Variants in HIBCH observed in about 807,000 individuals in gnomAD.
HIBCH encodes 3-hydroxyisobutyryl-CoA hydrolase, mitochondrial.
HIBCH carries 50 observed loss-of-function variants against 58.2 expected under a neutral mutation model. The ratio of observed to expected loss-of-function variants is 0.86; its 90% CI spans 0.68 to 1.09. HIBCH has a LOEUF of 1.09. Ranked by LOEUF, HIBCH falls within the 50% of genes least tolerant of loss-of-function variation. The probability of loss-of-function intolerance (pLI) is 0.00; values close to 1 mark genes in which losing one functional copy is unlikely to be tolerated. For missense variants in HIBCH, 450 were observed against 449.7 expected, an observed-to-expected ratio of 1.00 and a Z score of -0.01; for synonymous variants, 151 against 146.9, an observed-to-expected ratio of 1.03 and a Z score of -0.20.
intron 7 of HIBCH, among the ~76,000 whole-genome samples, chr2:190,259,750 C>T (rs775155219): frequency 2.5e-4 from 38 of 152,094 alleles, no homozygotes; most frequent in Admixed American, 1.5e-3. Flanking sequence ...TTTACTGGAG[C>T]TGTTGGAGTT....
downstream of HIBCH, chr2:190,200,065 A>ATCTTGTGTGATGC (rs781357682): frequency 2.5e-6 from 4 of 1,614,104 alleles, no homozygotes; most frequent in South Asian, 4.4e-5. Context: ...GTCTCAGGAT[A>ATCTTGTGTGATGC]TCTTGTGTGA....
In HIBCH at chr2:190,296,892, C is replaced by A. The variant is rs542299820; in HGVS notation, c.140G>T (p.Gly47Val). 1.6e-5 allele frequency: 26 copies of A among 1,613,868 alleles called. No homozygotes were observed. The South Asian group carries it at 2.7e-4, about 17-fold the overall frequency. The change falls in exon 3 of 14, where the codon GGA becomes GTA. Residue 47 changes from glycine to valine, a missense_variant. Coordinates refer to ENST00000359678, the MANE Select transcript of HIBCH (RefSeq NM_014362.4). ...CTTTGGTCTGTTTAGTGTTATGACT[C>A]CCGTGCAACCTTTTTTTTCCAATAG... ...EVLLEKKGCT[G>V]VITLNRPKFL...
In HIBCH at chr2:190,283,544, C is replaced by T. The variant is rs1196557281; in HGVS notation, c.438+4042G>A. ...AGAATTAAAAACAAAATGTTACATT[C>T]GAGTGCTATTTCTTTTGCGGCACTG... is the stretch of plus-strand genomic sequence containing the variant. On this transcript the variant is annotated intron_variant, in intron 6 of 13. Coordinates refer to ENST00000359678, the MANE Select transcript of HIBCH (RefSeq NM_014362.4). 4.6e-5 allele frequency among the ~76,000 whole-genome samples: 7 copies of T among 152,122 alleles called. No homozygotes were observed. In the South Asian group the frequency reaches 1.0e-3, roughly 23 times the overall value.
At chr2:190,265,012 A>C (rs565207673) in intron 6 of HIBCH, among the ~76,000 whole-genome samples, 1 of 151,024 alleles carries the variant, frequency 6.6e-6, no homozygotes, top group Non-Finnish European at 1.5e-5. Context: ...AATCCTAGCT[A>C]CTCGGGAGGC....
chr2:190,218,655 A>G (rs1685632284), intron 11 of HIBCH, among the ~76,000 whole-genome samples: 1 of 152,188 alleles, frequency 6.6e-6, no homozygotes, highest in Non-Finnish European at 1.5e-5. Flanking sequence ...CTCTTAATAG[A>G]AGCAACAGTT....
rs557157699 is a variant in HIBCH at position 190,215,388 on chromosome 2, G to A, written c.892-2313C>T. 4.6e-5 allele frequency: 7 copies of A among 152,196 alleles called. No individual in the cohort carries two copies. The highest frequency in any genetic ancestry group is 7.2e-5 in the African/African-American group (3 of 41,534). 9.4% of individuals were successfully genotyped at this position (152,196 alleles called of 1,614,324 possible). ...ACCTAAGGGAACTAATAATTAAAGG[G>A]ATTAAAAAGTCCACTCCTAGGACAT... On this transcript the variant is annotated intron_variant, in intron 11 of 13. Transcript: ENST00000359678. This position sits in a 1 kb window ranked among gnomAD's most constrained non-coding sequence, Gnocchi z 4.4.
chr2:190,287,472 T>A, intron 6 of HIBCH, 114 bp downstream of exon 6: 1 of 756,724 alleles, frequency 1.3e-6, no homozygotes, highest in South Asian at 1.6e-5. Context: ...CACACAATTA[T>A]GTTTCAATGA....
At chr2:190,230,160 T>G (rs1272936442) in intron 11 of HIBCH, among the ~76,000 whole-genome samples, 8 of 152,160 alleles carry the variant, frequency 5.3e-5, no homozygotes, top group African/African-American at 1.9e-4. Context: ...TGCCCCTTAA[T>G]AAAACATTTT....
At position 190,245,345 on chromosome 2, in the gene HIBCH, T is replaced by C. The variant is rs1686575617; in HGVS notation, c.810-377A>G. ...ATCTCTCAAATCATCACACAAAACCTTTTTTGCTGATCGGCTTGATAAGAC... is the reference window on the plus strand; with the variant it reads ...ATCTCTCAAATCATCACACAAAACCCTTTTTGCTGATCGGCTTGATAAGAC... On this transcript the variant is annotated intron_variant, in intron 10 of 13. Coordinates refer to ENST00000359678, the MANE Select transcript of HIBCH (RefSeq NM_014362.4). 3 of 204,802 alleles carry C rather than the reference T, an allele frequency of 1.5e-5. No homozygotes were observed. In the South Asian group the frequency reaches 2.4e-4, roughly 16 times the overall value. The allele number at this position is 204,802 out of a possible 1,614,324, so 12.7% of individuals were successfully genotyped here.
chr2:190,193,666 G>T (rs1047718223), intron 1 of HIBCH, among the ~76,000 whole-genome samples: 2 of 151,990 alleles, frequency 1.3e-5, no homozygotes, highest in African/African-American at 4.8e-5. Flanking sequence ...CCTTTTAAAC[G>T]TATATAGATG....
intron 11 of HIBCH, among the ~76,000 whole-genome samples, chr2:190,231,008 T>C (rs1434846524): frequency 6.6e-6 from 1 of 152,142 alleles, no homozygotes; most frequent in Non-Finnish European, 1.5e-5. Flanking sequence ...CTTCCAGAAA[T>C]ACATAATTAG....
chr2:190,254,810 G>C lies in HIBCH; in HGVS notation c.518-2503C>G, dbSNP rs1269192787. Among the ~76,000 whole-genome samples the C allele has an allele frequency of 1.3e-5, 2 of 152,114 alleles. No individual in the cohort carries two copies. Among genetic ancestry groups the C allele is most frequent in the African/African-American group, 4.8e-5 (2 of 41,408 alleles). ...CTACTCCAAAGCCAAAATCTCTCCA[G>C]ACTGTGCTGTCCAACAGAACTTTCT... On this transcript the variant is annotated intron_variant, in intron 7 of 13. Coordinates refer to ENST00000359678, the MANE Select transcript of HIBCH (RefSeq NM_014362.4). This position sits in a 1 kb window ranked among gnomAD's most constrained non-coding sequence, Gnocchi z 5.0.
chr2:190,251,581 C>A, intron 8 of HIBCH: 1 of 432,880 alleles, frequency 2.3e-6, no homozygotes, highest in Non-Finnish European at 4.8e-6. Context: ...AAATGGGGGG[C>A]AAAAGAGGCT....
At chr2:190,249,904 CA>C (rs1251032647) in intron 8 of HIBCH, among the ~76,000 whole-genome samples, 178 bp from the exon 9 acceptor site, 1 of 152,108 alleles carries the variant, frequency 6.6e-6, no homozygotes, top group East Asian at 1.9e-4. Flanking sequence ...TCCCACACAG[CA>C]AATGTAGCCT....
intron 6 of HIBCH, among the ~76,000 whole-genome samples, chr2:190,271,727 T>C (rs1575739798): frequency 6.6e-6 from 1 of 152,290 alleles, no homozygotes; most frequent in Admixed American, 6.5e-5. Context: ...AAATCTGTTC[T>C]AGTCATTGCC....
At chr2:190,272,446 T>C (rs1687424672) in intron 6 of HIBCH, among the ~76,000 whole-genome samples, 1 of 152,212 alleles carries the variant, frequency 6.6e-6, no homozygotes, top group South Asian at 2.1e-4. Context: ...GCTTTTCTTC[T>C]CTGAAATACT....
chr2:190,296,823 G>A lies in HIBCH; in HGVS notation c.209C>T (p.Pro70Leu), dbSNP rs1173965678. ...AAGAAAATTACAAACCTTTAGCTGT[G>A]GATAAATCTGCCGAATCATATTAAG... ...LTLNMIRQIY[P>L]QLKKWEQDPE... is the part of the protein sequence containing the mutation. Residue 70 changes from proline (P) to leucine (L), a missense_variant, in exon 3 of 14, where the codon CCA becomes CTA. By Grantham distance (98) the Pro-to-Leu change is moderately conservative. Coordinates refer to ENST00000359678, the MANE Select transcript of HIBCH (RefSeq NM_014362.4). 1.9e-6 allele frequency: 3 copies of A among 1,613,676 alleles called. No homozygotes were observed. The highest frequency in any genetic ancestry group is 1.7e-5 in the Admixed American group (1 of 60,022).
At chr2:190,225,698 G>A (rs1044974913) in intron 11 of HIBCH, among the ~76,000 whole-genome samples, 1 of 152,182 alleles carries the variant, frequency 6.6e-6, no homozygotes, top group African/African-American at 2.4e-5. Flanking sequence ...GGTACAAAGA[G>A]GAGCTGGTAC....
In HIBCH at chr2:190,222,297, C is replaced by T. The variant is rs1221202138; in HGVS notation, c.892-9222G>A. The stretch of plus-strand genomic sequence containing the variant: ...CTGTCCCTGCTGGCACAGAAACGGC[C>T]GGCTAGTCCTAGCACCTGTGCACTA... On this transcript the variant is annotated intron_variant, in intron 11 of 13. Coordinates refer to ENST00000359678, the MANE Select transcript of HIBCH (RefSeq NM_014362.4). Among the ~76,000 whole-genome samples, 5 of 152,046 alleles carry T rather than the reference C, an allele frequency of 3.3e-5. 1 individual carries two copies. Among genetic ancestry groups the T allele is most frequent in the Admixed American group, 2.0e-4 (3 of 15,264 alleles).
Sources: gnomAD v4.1 joint callset for allele counts (sites outside exome capture counted in the v4.1 genomes callset) on GRCh38, gnomAD v4.1.1 for gene constraint, Gnocchi (gnomAD v3.1) non-coding constraint, MANE v1.5 for transcripts, NCBI Gene and HGNC (gene_info 2026-07-23, HGNC 2026-07-21) for gene names.